The following MORC1 variants were observed in gnomAD, a reference collection of about 807,000 sequenced individuals.
MORC1 encodes the protein MORC family CW-type zinc finger 1, also known as MORC family CW-type zinc finger protein 1.
In MORC1, 59 loss-of-function variants were observed where a neutral mutation model predicts 134.9. The observed-to-expected ratio is 0.44, with a 90% CI of 0.35 to 0.54. The LOEUF (loss-of-function observed/expected upper bound fraction) is 0.54, where lower values mean the gene tolerates loss of function less well. Among genes scored for constraint, MORC1 ranks in the 20% least tolerant of loss-of-function variants. MORC1 has a pLI of 0.00. For missense variants in MORC1, 947 were observed against 1,134.5 expected (o/e 0.83, Z 2.37); for synonymous variants, 395 against 391.7 (o/e 1.01, Z -0.10).
intron 12 of MORC1, among the ~76,000 whole-genome samples, chr3:109,057,998 G>A (rs1231032592): frequency 6.6e-6 from 1 of 152,066 alleles, no homozygotes; most frequent in Non-Finnish European, 1.5e-5. Flanking sequence ...AGTTTACAAG[G>A]GCAACAGAGA....
At chr3:109,008,201 C>G (rs551269178) in intron 17 of MORC1, among the ~76,000 whole-genome samples, 2 of 152,218 alleles carry the variant, frequency 1.3e-5, no homozygotes, top group Middle Eastern at 3.4e-3. Flanking sequence ...TCTTCTCAAT[C>G]TTTTACTATA....
intron 20 of MORC1, among the ~76,000 whole-genome samples, chr3:109,001,163 C>A (rs1175701811): frequency 6.6e-6 from 1 of 151,672 alleles, no homozygotes; most frequent in Non-Finnish European, 1.5e-5. Context: ...GATGGAGTTT[C>A]GCTCTTTCAC....
At position 109,053,313 on chromosome 3, in the gene MORC1, A is replaced by G. The variant is rs981872625; in HGVS notation, c.1330+1415T>C. On this transcript the variant is annotated intron_variant, in intron 14 of 27. Transcript: ENST00000232603. ...CTCAGTTGTTCTACCGAAAGGACACATGCACCCACATGTATGTTCATTACA... is the reference window on the plus strand; with the variant it reads ...CTCAGTTGTTCTACCGAAAGGACACGTGCACCCACATGTATGTTCATTACA... 7.2e-5 allele frequency among the ~76,000 whole-genome samples: 11 copies of G among 152,168 alleles called. 1 individual carries two copies. Among genetic ancestry groups the G allele is most frequent in the Admixed American group, 5.9e-4 (9 of 15,274 alleles).
At chr3:108,977,816 A>G (rs1158212147) in intron 24 of MORC1, among the ~76,000 whole-genome samples, 4 of 152,252 alleles carry the variant, frequency 2.6e-5, no homozygotes, top group African/African-American at 9.6e-5. Flanking sequence ...AGAGAATCCC[A>G]TTCTTTAGGG....
At chr3:109,024,808 T>A (rs1170160483) in intron 17 of MORC1, among the ~76,000 whole-genome samples, 1 of 152,214 alleles carries the variant, frequency 6.6e-6, no homozygotes, top group Non-Finnish European at 1.5e-5. Flanking sequence ...AGCCAGTTCT[T>A]GATTTTTTCA....
At chr3:109,000,742 C>T in intron 20 of MORC1, 84 bp from the exon 21 acceptor site, 1 of 976,044 alleles carries the variant, frequency 1.0e-6, no homozygotes. Flanking sequence ...CTTCATTCTG[C>T]CTCTACTTAC....
intron 13 of MORC1, among the ~76,000 whole-genome samples, chr3:109,056,969 T>C (rs1045544824): frequency 6.6e-5 from 10 of 152,214 alleles, no homozygotes; most frequent in African/African-American, 2.4e-4. Context: ...ACATGTAGGG[T>C]TGCTTTACAA....
At chr3:109,036,618 T>A (rs1032609310) in intron 14 of MORC1, among the ~76,000 whole-genome samples, 1 of 152,160 alleles carries the variant, frequency 6.6e-6, no homozygotes, top group African/African-American at 2.4e-5. Flanking sequence ...ATGTAATCCA[T>A]GAAAAATGCA....
chr3:109,085,212 G>A (rs1183459212), intron 8 of MORC1, among the ~76,000 whole-genome samples: 1 of 151,800 alleles, frequency 6.6e-6, no homozygotes, highest in African/African-American at 2.4e-5. Context: ...GTCTGTGTGT[G>A]TGTAAGAACT....
intron 16 of MORC1, among the ~76,000 whole-genome samples, chr3:109,028,525 G>A (rs769861054): frequency 1.3e-5 from 2 of 152,108 alleles, no homozygotes; most frequent in Non-Finnish European, 2.9e-5. Flanking sequence ...CTAATAACTT[G>A]TGGGTTAGTA....
chr3:109,094,307 T>C (rs1297450343), intron 7 of MORC1, among the ~76,000 whole-genome samples: 2 of 152,214 alleles, frequency 1.3e-5, no homozygotes, highest in Non-Finnish European at 2.9e-5. Context: ...CAACTAATTA[T>C]ACTTTTTGGT....
intron 21 of MORC1, among the ~76,000 whole-genome samples, chr3:108,988,380 C>T (rs1352853316): frequency 6.6e-6 from 1 of 151,952 alleles, no homozygotes; most frequent in Non-Finnish European, 1.5e-5. Context: ...GTTCCTGCCC[C>T]AGGAAATAAT....
At chr3:109,009,801 G>C (rs1948640095) in intron 17 of MORC1, among the ~76,000 whole-genome samples, 1 of 151,854 alleles carries the variant, frequency 6.6e-6, no homozygotes, top group African/African-American at 2.4e-5. Flanking sequence ...TTTCCCTATT[G>C]TGGAGCATAC....
chr3:109,047,549 G>GT lies in MORC1; in HGVS notation c.1330+7178dup, dbSNP rs146104773. 7.4e-3 allele frequency among the ~76,000 whole-genome samples: 1,099 copies of GT among 149,164 alleles called. 13 individuals carry two copies. The highest frequency in any genetic ancestry group is 0.024 in the African/African-American group (982 of 40,858). Reference sequence around the variant, plus strand: ...TAAATGAATTAAATCTAAGAATGTGGTTTTTTTTTTCCAACAGTCAATTTG... The same window carrying GT: ...TAAATGAATTAAATCTAAGAATGTGGTTTTTTTTTTTCCAACAGTCAATTTG... On this transcript the variant is annotated intron_variant, in intron 14 of 27. Transcript: ENST00000232603.
chr3:109,077,551 T>C (rs897413737), intron 8 of MORC1, among the ~76,000 whole-genome samples: 2 of 152,008 alleles, frequency 1.3e-5, no homozygotes, highest in Non-Finnish European at 2.9e-5. Context: ...GTAAAACTAA[T>C]CCACTGAAAG....
intron 23 of MORC1, among the ~76,000 whole-genome samples, chr3:108,982,122 C>T (rs538583828): frequency 6.6e-6 from 1 of 152,304 alleles, no homozygotes; most frequent in African/African-American, 2.4e-5. Context: ...CAAAAGAAGA[C>T]ATTTATGCAG....
At chr3:108,972,832 T>G (rs773399430) in intron 24 of MORC1, among the ~76,000 whole-genome samples, 13 of 152,200 alleles carry the variant, frequency 8.5e-5, no homozygotes, top group Non-Finnish European at 1.6e-4. Flanking sequence ...GAGTATAAAT[T>G]CTTTTGCCTT....
intron 14 of MORC1, among the ~76,000 whole-genome samples, chr3:109,050,082 A>G (rs1382917505): frequency 6.6e-6 from 1 of 152,058 alleles, no homozygotes; most frequent in Non-Finnish European, 1.5e-5. Flanking sequence ...AACTCAGGAG[A>G]CCCAGCTAAC....
intron 21 of MORC1, among the ~76,000 whole-genome samples, chr3:108,995,243 T>C (rs1016303154): frequency 1.3e-5 from 2 of 152,178 alleles, no homozygotes; most frequent in African/African-American, 4.8e-5. Context: ...AGCAGAACTA[T>C]AGCAACATCT....
Sources: allele counts gnomAD v4.1 joint callset (sites outside exome capture counted in the v4.1 genomes callset), GRCh38; gene constraint gnomAD v4.1.1; transcripts MANE v1.5; gene names NCBI Gene and HGNC (gene_info 2026-07-23, HGNC 2026-07-21).